The following PRMT8 variants were observed in gnomAD, a reference collection of about 807,000 sequenced individuals.
PRMT8 encodes the protein protein arginine N-methyltransferase 8.
In PRMT8, 7 loss-of-function variants were observed where a neutral mutation model predicts 47.1. The observed-to-expected ratio is 0.15, with a 90% confidence interval of 0.08 to 0.28. The LOEUF (loss-of-function observed/expected upper bound fraction) is 0.28, where lower values mean the gene tolerates loss of function less well. PRMT8 is among the 10% of genes least tolerant of loss of function. The pLI, the probability that PRMT8 is intolerant of heterozygous loss-of-function variation, is 1.00. For synonymous variants in PRMT8, 188 were observed against 186.5 expected (o/e 1.01, Z -0.07); for missense variants, 237 against 505.4 (o/e 0.47, Z 5.09).
chr12:3,561,881 G>A (rs1866642815), intron 4 of PRMT8, among the ~76,000 whole-genome samples: 1 of 152,166 alleles, frequency 6.6e-6, no homozygotes, highest in Non-Finnish European at 1.5e-5. Flanking sequence ...GGCCATTGTG[G>A]GGATCGCATA....
At chr12:3,539,309 A>G (rs973561190) in intron 1 of PRMT8, among the ~76,000 whole-genome samples, 2 of 152,186 alleles carry the variant, frequency 1.3e-5, no homozygotes, top group Admixed American at 1.3e-4. Flanking sequence ...AGGCACAGTG[A>G]TGACAAATTA....
chr12:3,450,022 A>G (rs1239000346), intron 1 of PRMT8, among the ~76,000 whole-genome samples: 1 of 152,222 alleles, frequency 6.6e-6, no homozygotes, highest in Non-Finnish European at 1.5e-5. Context: ...AGAGAGCTGG[A>G]TTCTTATATC....
intron 1 of PRMT8, among the ~76,000 whole-genome samples, chr12:3,405,268 G>A (rs1565399933): frequency 6.6e-6 from 1 of 152,124 alleles, no homozygotes; most frequent in Non-Finnish European, 1.5e-5. Context: ...ACCAGCATGA[G>A]GGTAATCGCC....
At chr12:3,524,585 T>A (rs1182616814) in intron 1 of PRMT8, among the ~76,000 whole-genome samples, 1 of 148,458 alleles carries the variant, frequency 6.7e-6, no homozygotes, top group Non-Finnish European at 1.5e-5. Flanking sequence ...GAAGAGCCCC[T>A]GAGCTAACTA....
At chr12:3,474,128 G>A (rs1396897614) in intron 1 of PRMT8, among the ~76,000 whole-genome samples, 1 of 152,162 alleles carries the variant, frequency 6.6e-6, no homozygotes, top group Non-Finnish European at 1.5e-5. Context: ...AGATTCTTCA[G>A]GGTAACCCCA....
At chr12:3,590,386 T>A (rs1445434765) in intron 8 of PRMT8, among the ~76,000 whole-genome samples, 6 of 152,160 alleles carry the variant, frequency 3.9e-5, no homozygotes, top group Non-Finnish European at 7.4e-5. Flanking sequence ...CAGTGCATGA[T>A]CAAGCCCCAG....
At position 3,491,364 on chromosome 12, in the gene PRMT8, G is replaced by A; in HGVS notation, c.-262G>A. 8.5e-7 allele frequency: 1 copy of A among 1,174,784 alleles called. No homozygotes were observed. 72.8% of individuals were successfully genotyped at this position (1,174,784 alleles called of 1,614,324 possible). The stretch of plus-strand genomic sequence containing the variant: ...GCTTAGCCCGCAGCGCGGGTGGAGA[G>A]GGGCGGGGAGGGGGTCGGGGGCACG... On this transcript the variant is annotated 5_prime_UTR_variant, in exon 1 of 10. Transcript: ENST00000382622.
chr12:3,589,393 C>A (rs943130455), intron 8 of PRMT8, among the ~76,000 whole-genome samples: 1 of 152,134 alleles, frequency 6.6e-6, no homozygotes, highest in Non-Finnish European at 1.5e-5. Context: ...CAGGTCACAT[C>A]GCATGTCAGT....
rs1456709781 is a variant in PRMT8, at chr12:3,538,707, G to A, written c.76-1899G>A. ...GCACGGAGCCTTCTTCAGCTTTAGA[G>A]GTGATTCTGCAGCCTGCACAGGAGT... On this transcript the variant is annotated intron_variant, in intron 1 of 9. Coordinates refer to ENST00000382622, the MANE Select transcript of PRMT8 (RefSeq NM_019854.5). The surrounding 1 kb of genome is among the most constrained non-coding windows in gnomAD (Gnocchi z 4.6). The A allele has an allele frequency of 1.9e-6, 1 of 518,894 alleles. No homozygotes were observed. Among genetic ancestry groups the A allele is most frequent in the African/African-American group, 1.9e-5 (1 of 51,948 alleles). The allele number at this position is 518,894 out of a possible 1,614,324, so 32.1% of individuals were successfully genotyped here.
intron 1 of PRMT8, among the ~76,000 whole-genome samples, chr12:3,435,986 A>G (rs1864737499): frequency 6.6e-6 from 1 of 152,094 alleles, no homozygotes; most frequent in South Asian, 2.1e-4. Context: ...CTTGATGTCC[A>G]ATTTATTCCT....
chr12:3,399,111 G>A (rs1318199704), intron 1 of PRMT8, among the ~76,000 whole-genome samples: 9 of 152,166 alleles, frequency 5.9e-5, no homozygotes, highest in African/African-American at 1.2e-4. Flanking sequence ...GAAAGGGCTC[G>A]TTGGCTCTCC....
intron 1 of PRMT8, among the ~76,000 whole-genome samples, chr12:3,520,891 T>C (rs1270513975): frequency 1.3e-5 from 2 of 152,132 alleles, no homozygotes; most frequent in African/African-American, 2.4e-5. Context: ...ATTTGGTATG[T>C]GGGGAACTGG....
chr12:3,449,652 A>G lies in PRMT8; in HGVS notation c.48+68210A>G, dbSNP rs1357019670. On this transcript the variant is annotated intron_variant, in intron 1 of 9. Transcript: ENST00000452611. ...ATATTAGACCTTGTCAGATGGATAG[A>G]TTGCAAACTTTTTCTCCCATTCTTT... 2.6e-5 allele frequency among the ~76,000 whole-genome samples: 4 copies of G among 152,110 alleles called. No individual in the cohort carries two copies. In the East Asian group the frequency reaches 7.7e-4, roughly 29 times the overall value.
intron 1 of PRMT8, among the ~76,000 whole-genome samples, chr12:3,460,890 A>G (rs1443043128): frequency 1.3e-5 from 2 of 152,210 alleles, no homozygotes; most frequent in African/African-American, 2.4e-5. Context: ...CCAGTCTTGA[A>G]GAGATTTTGA....
intron 1 of PRMT8, among the ~76,000 whole-genome samples, chr12:3,539,084 T>C (rs1866174103): frequency 6.6e-6 from 1 of 152,158 alleles, no homozygotes; most frequent in South Asian, 2.1e-4. Flanking sequence ...CCTGTTTCTC[T>C]TGCTAGAAAG....
chr12:3,562,356 C>T (rs1272760326), intron 4 of PRMT8, among the ~76,000 whole-genome samples: 3 of 151,794 alleles, frequency 2.0e-5, no homozygotes, highest in Non-Finnish European at 2.9e-5. Flanking sequence ...TATTGAGCCA[C>T]GTACTAGGTC....
At chr12:3,519,107 T>C (rs907182596) in intron 1 of PRMT8, among the ~76,000 whole-genome samples, 3 of 152,160 alleles carry the variant, frequency 2.0e-5, no homozygotes, top group Non-Finnish European at 4.4e-5. Context: ...CTTTGTCATT[T>C]TGGCAGAACT....
chr12:3,410,787 G>A (rs563784134), intron 1 of PRMT8, among the ~76,000 whole-genome samples: 64 of 152,322 alleles, frequency 4.2e-4, no homozygotes, highest in Non-Finnish European at 7.4e-4. Context: ...GGTTACAGGC[G>A]TGAGCCACCG....
chr12:3,470,980 T>C (rs758613), intron 1 of PRMT8, among the ~76,000 whole-genome samples: 110,793 of 152,074 alleles, frequency 0.73, 40,886 homozygotes, highest in Middle Eastern at 0.84. Flanking sequence ...CTTCAGGCCA[T>C]CCTGGGCGGA....
Sources: gnomAD v4.1 joint callset for allele counts (sites outside exome capture counted in the v4.1 genomes callset) on GRCh38, gnomAD v4.1.1 for gene constraint, Gnocchi (gnomAD v3.1) non-coding constraint, MANE v1.5 for transcripts, NCBI Gene and HGNC (gene_info 2026-07-23, HGNC 2026-07-21) for gene names.